The following NOB1 variants were observed in gnomAD, a reference collection of about 807,000 sequenced individuals.
NOB1 encodes NIN1 (RPN12) binding protein 1 homolog, also known as RNA-binding protein NOB1.
NOB1 carries 44 observed loss-of-function variants against 44.8 expected under a neutral mutation model. That is an observed-to-expected ratio of 0.98 (90% confidence interval 0.77 to 1.26). The LOEUF (loss-of-function observed/expected upper bound fraction) is 1.26. Among genes scored for constraint, NOB1 ranks in the 50% most tolerant of loss-of-function variants. The pLI is 0.00. For missense variants in NOB1, 560 were observed against 544.8 expected (o/e 1.03, Z -0.28); for synonymous variants, 238 against 218.7 (o/e 1.09, Z -0.78).
At chr16:69,747,883 C>T (rs915267107) in intron 7 of NOB1, among the ~76,000 whole-genome samples, 9 of 152,052 alleles carry the variant, frequency 5.9e-5, no homozygotes, top group Non-Finnish European at 1.0e-4. Context: ...AGTGGCCAGG[C>T]GTGGTGGCTC....
chr16:69,754,402 C>T (rs1280061626), intron 2 of NOB1, among the ~76,000 whole-genome samples, 192 bp downstream of exon 2: 4 of 152,174 alleles, frequency 2.6e-5, no homozygotes, highest in Non-Finnish European at 2.9e-5. Context: ...GAATGCTATG[C>T]CCGAGAGCAT....
At chr16:69,745,082 CA>C (rs1383009405) in intron 7 of NOB1, 65 bp from the exon 8 acceptor site, 1 of 1,572,160 alleles carries the variant, frequency 6.4e-7, no homozygotes, top group Non-Finnish European at 8.7e-7. Flanking sequence ...CCCCAGAGCA[CA>C]AGGTGGGTCT....
chr16:69,742,777 C>T (rs76038087), intron 8 of NOB1, among the ~76,000 whole-genome samples, 176 bp from the exon 9 acceptor site: 7,572 of 152,186 alleles, frequency 0.05, 230 homozygotes, highest in South Asian at 0.087. Context: ...ACCTGATTCC[C>T]ACCTCAATTC....
Position 69,748,963 on chromosome 16 carries a change from G to C in NOB1, c.681C>G (p.Pro227=). ...TCAGGCAGCCAACCCGCACGTCCTC[G>C]GGGACGTCACACTGCTCCAGCTCCT... ...IQQELEQCDV[P]EDVRVGCLTT... The change falls in exon 6 of 9, where the codon CCC becomes CCG. Residue 227 remains proline (P), a synonymous_variant. Transcript: ENST00000268802. 1 of 1,613,530 alleles carries C rather than the reference G, an allele frequency of 6.2e-7. No individual in the cohort carries two copies. Among genetic ancestry groups the C allele is most frequent in the Non-Finnish European group, 8.5e-7 (1 of 1,179,608 alleles).
At chr16:69,754,776 C>A in intron 1 of NOB1, 50 bp from the exon 2 acceptor site, 1 of 1,612,672 alleles carries the variant, frequency 6.2e-7, no homozygotes, top group Non-Finnish European at 8.5e-7. Context: ...AGCAACGCTC[C>A]GCGCGACTCC....
At chr16:69,745,079 G>A (rs767069235) in intron 7 of NOB1, 62 bp from the exon 8 acceptor site, 2 of 1,579,100 alleles carry the variant, frequency 1.3e-6, no homozygotes, top group African/African-American at 2.7e-5. Flanking sequence ...CCTCCCCAGA[G>A]CACAAGGTGG....
chr16:69,742,729 G>T, intron 8 of NOB1, 128 bp from the exon 9 acceptor site: 11 of 918,876 alleles, frequency 1.2e-5, no homozygotes, highest in Non-Finnish European at 1.7e-5. Flanking sequence ...GTAATTGACT[G>T]CCTACCATGT....
At position 69,749,615 on chromosome 16, in the gene NOB1, A is replaced by T; in HGVS notation, c.343T>A (p.Ser115Thr). The change falls in exon 4 of 9, where the codon TCG (serine) becomes ACG (threonine). Residue 115 changes from serine to threonine, a missense_variant. Ser to Thr is a moderately conservative substitution (Grantham distance 58, BLOSUM62 1). Coordinates refer to ENST00000268802, the MANE Select transcript of NOB1 (RefSeq NM_014062.3). The stretch of plus-strand genomic sequence containing the variant: ...AGAGGTGTTTCTGGGTGCTGAATCG[A>T]TGAGCTCACCTTAACCTTTAAAAAA... ...QEPQKVKVSS[S>T]IQHPETPLHI... is the part of the protein sequence containing the mutation. 6.2e-7 allele frequency: 1 copy of T among 1,612,980 alleles called. No individual in the cohort carries two copies. Among genetic ancestry groups the T allele is most frequent in the Non-Finnish European group, 8.5e-7 (1 of 1,179,568 alleles).
Position 69,742,385 on chromosome 16 carries a change from G to T in NOB1, c.1186C>A (p.Arg396=). Residue 396 remains arginine (R), a synonymous_variant, in exon 9 of 9, where the codon CGG becomes AGG. Transcript: ENST00000268802. ...QVRDSTLGAG[R]RRLNPNASRK... ...GAAGCGTTGGGATTTAAGCGTCTCC[G>T]CCCAGCTCCCAAGGTGCTGTCCCGG... 6.2e-7 allele frequency: 1 copy of T among 1,614,208 alleles called. No individual in the cohort carries two copies. Among genetic ancestry groups the T allele is most frequent in the Non-Finnish European group, 8.5e-7 (1 of 1,180,024 alleles).
rs1349958131 is a variant in NOB1 at position 69,745,033 on chromosome 16, G to T, written c.825-16C>A. On this transcript the variant is annotated splice_polypyrimidine_tract_variant and intron_variant, in intron 7 of 8. Transcript: ENST00000268802. ...AGACGTTGTCCTGGGAGACACAAAA[G>T]GAGATGATCTGTACCAAAGCCACAG... 5.6e-6 allele frequency: 9 copies of T among 1,613,910 alleles called. No homozygotes were observed. Among genetic ancestry groups the T allele is most frequent in the Non-Finnish European group, 6.8e-6 (8 of 1,179,898 alleles).
intron 7 of NOB1, among the ~76,000 whole-genome samples, chr16:69,745,948 G>A (rs562013988): frequency 6.6e-6 from 1 of 152,368 alleles, no homozygotes; most frequent in East Asian, 1.9e-4. Flanking sequence ...TGTTAATCTG[G>A]TGAATTTAGT....
chr16:69,752,413 C>T (rs2038490739), intron 2 of NOB1, 42 bp from the exon 3 acceptor site: 1 of 1,593,016 alleles, frequency 6.3e-7, no homozygotes, highest in South Asian at 1.1e-5. Context: ...AGGTAAAAAG[C>T]CATATGACCT....
In NOB1 at chr16:69,748,302, C is replaced by A. The variant is rs558915977; in HGVS notation, c.754G>T (p.Val252Leu). The change falls in exon 7 of 9, where the codon GTG becomes TTG. Residue 252 changes from valine (V) to leucine (L), a missense_variant. Physicochemically the swap from Val to Leu is conservative, Grantham distance 32. Coordinates refer to ENST00000268802, the MANE Select transcript of NOB1 (RefSeq NM_014062.3). ...QNVLLQMGLH[V>L]LAVNGMLIRE... ...ATCAGCATGCCGTTCACCGCCAGCACGTGCAGCCCCATCTGCAGCAGAACA... is the reference window on the plus strand; with the variant it reads ...ATCAGCATGCCGTTCACCGCCAGCAAGTGCAGCCCCATCTGCAGCAGAACA... 2.5e-6 allele frequency: 4 copies of A among 1,614,014 alleles called. No homozygotes were observed. The highest frequency in any genetic ancestry group is 3.4e-6 in the Non-Finnish European group (4 of 1,179,906).
Position 69,742,370 on chromosome 16 carries a change from G to A in NOB1, c.1201C>T (p.Pro401Ser), listed in dbSNP as rs1349874888. The stretch of plus-strand genomic sequence containing the variant: ...ACAAACTTCTTTCTGGAAGCGTTGG[G>A]ATTTAAGCGTCTCCGCCCAGCTCCC... ...TLGAGRRRLN[P>S]NASRKKFVKK... The change falls in exon 9 of 9, where the codon CCC (proline) becomes TCC (serine). Residue 401 changes from proline (P) to serine (S), a missense_variant. Pro to Ser is a moderately conservative substitution (Grantham distance 74, BLOSUM62 -1). Coordinates refer to ENST00000268802, the MANE Select transcript of NOB1 (RefSeq NM_014062.3). 6.2e-7 allele frequency: 1 copy of A among 1,614,150 alleles called. No homozygotes were observed. Among genetic ancestry groups the A allele is most frequent in the South Asian group, 1.1e-5 (1 of 91,084 alleles).
intron 7 of NOB1, among the ~76,000 whole-genome samples, chr16:69,746,999 G>A (rs1051795484): frequency 6.6e-5 from 10 of 150,384 alleles, no homozygotes; most frequent in Non-Finnish European, 1.3e-4. Flanking sequence ...TGAGTTCGGC[G>A]GATCAGAGGT....
At chr16:69,747,729 G>A (rs143746800) in intron 7 of NOB1, among the ~76,000 whole-genome samples, 3 of 152,260 alleles carry the variant, frequency 2.0e-5, no homozygotes, top group Admixed American at 6.5e-5. Flanking sequence ...ACTGAGATAC[G>A]GTGGGAGGTC....
rs1386262014 is a variant in NOB1, at chr16:69,754,615, A to C, written c.175T>G (p.Leu59Val). The C allele has an allele frequency of 6.2e-7, 1 of 1,614,048 alleles. No homozygotes were observed. Among genetic ancestry groups the C allele is most frequent in the Middle Eastern group, 1.6e-4 (1 of 6,084 alleles). ...TCACCCAGCCGCACGTATTCCGGTA[A>C]GGGCTCCTTGAACCGCAGCTCGTAG... Reference protein sequence around the residue: ...LPYELRFKEPLPEYVRLVTEF... With the variant: ...LPYELRFKEPVPEYVRLVTEF... The change falls in exon 2 of 9, where the codon TTA becomes GTA. Residue 59 changes from leucine to valine, a missense_variant. By Grantham distance (32) the Leu-to-Val change is conservative. Coordinates refer to ENST00000268802, the MANE Select transcript of NOB1 (RefSeq NM_014062.3).
intron 2 of NOB1, among the ~76,000 whole-genome samples, chr16:69,752,928 C>T (rs1044416526): frequency 2.7e-5 from 4 of 150,646 alleles, no homozygotes; most frequent in African/African-American, 9.8e-5. Context: ...GAGTGAGACT[C>T]CTTCTCAAAA....
rs551815268 is a variant in NOB1, at chr16:69,748,232, T to C, written c.824A>G (p.Lys275Arg). ...SYILRCHGCF[K>R]TTSDMSRVFC... ...CAGGGCCAGGGCACCAGCTACATACTTGAAACAGCCATGGCAGCGCAAGAT... is the reference window on the plus strand; with the variant it reads ...CAGGGCCAGGGCACCAGCTACATACCTGAAACAGCCATGGCAGCGCAAGAT... Residue 275 changes from lysine (K) to arginine (R), a missense_variant and splice_region_variant, in exon 7 of 9, where the codon AAG becomes AGG. By Grantham distance (26) the Lys-to-Arg change is conservative. Coordinates refer to ENST00000268802, the MANE Select transcript of NOB1 (RefSeq NM_014062.3). 26 of 1,612,686 alleles carry C rather than the reference T, an allele frequency of 1.6e-5. No individual in the cohort carries two copies. The South Asian group carries it at 1.8e-4, about 11-fold the overall frequency.
Sources: gnomAD v4.1 joint callset for allele counts (sites outside exome capture counted in the v4.1 genomes callset) on GRCh38, gnomAD v4.1.1 for gene constraint, MANE v1.5 for transcripts, NCBI Gene and HGNC (gene_info 2026-07-23, HGNC 2026-07-21) for gene names.